Variants in IFT80 observed in about 807,000 individuals in gnomAD.
IFT80 encodes the protein intraflagellar transport 80.
A neutral mutation model predicts 107.9 loss-of-function variants in IFT80; 79 were observed. That is an observed-to-expected ratio of 0.73 (90% confidence interval 0.61 to 0.88). The LOEUF is 0.88. Ranked by LOEUF, IFT80 falls within the 40% of genes least tolerant of loss-of-function variation. The pLI, the probability that IFT80 is intolerant of heterozygous loss-of-function variation, is 0.00. For missense variants in IFT80, 797 were observed against 914.2 expected (o/e 0.87, Z 1.65); for synonymous variants, 299 against 300.9 (o/e 0.99, Z 0.07).
chr3:160,361,472 C>A (rs996038959), intron 6 of IFT80, among the ~76,000 whole-genome samples: 1 of 152,122 alleles, frequency 6.6e-6, no homozygotes. Context: ...ATCAACAAGA[C>A]AGAAGGTTAA....
At chr3:160,360,493 G>C (rs900820952) in intron 6 of IFT80, among the ~76,000 whole-genome samples, 1 of 152,062 alleles carries the variant, frequency 6.6e-6, no homozygotes, top group African/African-American at 2.4e-5. Context: ...TAAAATTCAG[G>C]AAATACAGAG....
chr3:160,355,907 C>A, intron 8 of IFT80, 106 bp downstream of exon 8: 1 of 1,275,592 alleles, frequency 7.8e-7, no homozygotes, highest in South Asian at 1.2e-5. Context: ...AAAGATTCAA[C>A]CAGATGCATC....
chr3:160,312,981 T>G (rs1336187457), intron 9 of IFT80, among the ~76,000 whole-genome samples: 1 of 72,796 alleles, frequency 1.4e-5, no homozygotes, highest in East Asian at 3.6e-4. Context: ...ATATAATATA[T>G]AATAAATATA....
rs1163987189 is a variant in IFT80 at position 160,280,777 on chromosome 3, G to A, written c.1554C>T (p.Cys518=). 2 of 1,613,042 alleles carry A rather than the reference G, an allele frequency of 1.2e-6. No homozygotes were observed. Among genetic ancestry groups the A allele is most frequent in the Admixed American group, 3.3e-5 (2 of 59,964 alleles). ...MVHTLAWNDT[C]NILCGLQDTR... ...TATCTTGAAGTCCACAAAGGATATT[G>A]CATGTATCGTTCCATGCCAAAGTAT... is the stretch of plus-strand genomic sequence containing the variant. The change falls in exon 15 of 20, where the codon TGC becomes TGT. Residue 518 remains cysteine (C), a synonymous_variant. Coordinates refer to ENST00000326448, the MANE Select transcript of IFT80 (RefSeq NM_020800.3).
intron 5 of IFT80, among the ~76,000 whole-genome samples, chr3:160,370,873 A>C (rs1235046009): frequency 6.6e-6 from 1 of 152,146 alleles, no homozygotes; most frequent in Non-Finnish European, 1.5e-5. Flanking sequence ...CACTGCCTCT[A>C]TTCAAGCCTT....
intron 8 of IFT80, among the ~76,000 whole-genome samples, chr3:160,330,646 G>A (rs1241150411): frequency 6.6e-6 from 1 of 151,914 alleles, no homozygotes; most frequent in East Asian, 1.9e-4. Flanking sequence ...TGTGGGCTGG[G>A]GTCAAAAAAT....
At chr3:160,272,481 TTC>T (rs920207651) in intron 18 of IFT80, among the ~76,000 whole-genome samples, 3 of 152,178 alleles carry the variant, frequency 2.0e-5, no homozygotes, top group African/African-American at 7.2e-5. Flanking sequence ...ATTCAGACTA[TTC>T]TCTCTACTTT....
intron 19 of IFT80, among the ~76,000 whole-genome samples, chr3:160,266,377 CTTT>C (rs1713324274): frequency 1.4e-5 from 2 of 139,564 alleles, no homozygotes; most frequent in Non-Finnish European, 3.1e-5. Context: ...CTCTCTTTCT[CTTT>C]TTTTCTTTCT....
chr3:160,279,079 C>A, intron 16 of IFT80, 114 bp downstream of exon 16: 4 of 771,184 alleles, frequency 5.2e-6, no homozygotes, highest in South Asian at 5.1e-5. Context: ...TAAAAAAAGA[C>A]ATGATCTTAT....
chr3:160,360,610 G>T (rs1396649143), intron 6 of IFT80, among the ~76,000 whole-genome samples: 2 of 152,156 alleles, frequency 1.3e-5, no homozygotes, highest in Non-Finnish European at 2.9e-5. Context: ...CAGAAAGAAA[G>T]ATCGGGTTAC....
intron 5 of IFT80, among the ~76,000 whole-genome samples, chr3:160,374,249 C>T (rs1264737044): frequency 6.7e-6 from 1 of 149,972 alleles, no homozygotes; most frequent in Non-Finnish European, 1.5e-5. Flanking sequence ...AGTTCAAGAC[C>T]AGCCTGGGAA....
intron 8 of IFT80, among the ~76,000 whole-genome samples, chr3:160,353,034 G>C (rs1408640193): frequency 6.6e-6 from 1 of 152,048 alleles, no homozygotes; most frequent in East Asian, 1.9e-4. Context: ...ATCTAAAATT[G>C]ATCAGTGACT....
At chr3:160,397,941 G>A (rs1208227871) in intron 1 of IFT80, among the ~76,000 whole-genome samples, 2 of 151,768 alleles carry the variant, frequency 1.3e-5, no homozygotes, top group South Asian at 2.1e-4. Context: ...GGCTGGTCTC[G>A]AACTCCCAAC....
chr3:160,297,069 A>G (rs1008226914), intron 12 of IFT80, among the ~76,000 whole-genome samples: 11 of 152,164 alleles, frequency 7.2e-5, no homozygotes, highest in African/African-American at 2.7e-4. Context: ...CTCTATTTCC[A>G]GCCTCAACCT....
At chr3:160,379,501 T>A (rs954139043) in intron 3 of IFT80, among the ~76,000 whole-genome samples, 6 of 152,178 alleles carry the variant, frequency 3.9e-5, no homozygotes, top group Non-Finnish European at 8.8e-5. Flanking sequence ...GAAGTATTCA[T>A]GGTTAAAAGT....
At chr3:160,278,974 C>T (rs2108228639) in intron 16 of IFT80, among the ~76,000 whole-genome samples, 1 of 152,184 alleles carries the variant, frequency 6.6e-6, no homozygotes, top group Non-Finnish European at 1.5e-5. Context: ...TTTATATGTG[C>T]CAGTATGGAA....
intron 19 of IFT80, 76 bp from the exon 20 acceptor site, chr3:160,258,711 G>A: frequency 6.6e-7 from 1 of 1,525,210 alleles, no homozygotes; most frequent in Non-Finnish European, 8.9e-7. Flanking sequence ...GTAACTAAGA[G>A]TAAACAGATA....
chr3:160,290,414 A>C (rs13061153), intron 12 of IFT80, among the ~76,000 whole-genome samples: 2 of 142,460 alleles, frequency 1.4e-5, no homozygotes, highest in Non-Finnish European at 3.1e-5. Context: ...TCAAAAACAG[A>C]AAAAAAAAAA....
chr3:160,389,106 A>T (rs532307052), intron 1 of IFT80, among the ~76,000 whole-genome samples: 1 of 152,324 alleles, frequency 6.6e-6, no homozygotes, highest in East Asian at 1.9e-4. Flanking sequence ...AAATTAATAC[A>T]TGGGCCTTAA....
Sources: allele counts gnomAD v4.1 joint callset (sites outside exome capture counted in the v4.1 genomes callset), GRCh38; gene constraint gnomAD v4.1.1; transcripts MANE v1.5; gene names NCBI Gene and HGNC (gene_info 2026-07-23, HGNC 2026-07-21).